RPF2: variants seen among roughly 807,000 people sequenced by gnomAD.
The protein encoded by RPF2 is ribosome production factor 2 homolog.
A neutral mutation model predicts 38.9 loss-of-function variants in RPF2; 21 were observed. That is an observed-to-expected ratio of 0.54 (90% CI 0.38 to 0.78). RPF2 has a LOEUF of 0.78. RPF2 is among the 30% of genes least tolerant of loss of function. The pLI is 0.00. For synonymous variants in RPF2, 121 were observed against 126.2 expected (o/e 0.96, Z 0.28); for missense variants, 314 against 358.1 (o/e 0.88, Z 0.99).
At chr6:111,000,568 T>C (rs898485983) in intron 6 of RPF2, among the ~76,000 whole-genome samples, 16 of 152,296 alleles carry the variant, frequency 1.1e-4, no homozygotes, top group African/African-American at 3.8e-4. Context: ...AATGATATTA[T>C]GAAATAGAAA....
At chr6:111,004,014 T>C (rs1422420825) in intron 6 of RPF2, among the ~76,000 whole-genome samples, 1 of 151,794 alleles carries the variant, frequency 6.6e-6, no homozygotes, top group Non-Finnish European at 1.5e-5. Context: ...AGTTTCATCA[T>C]GTTAGTCAGG....
At chr6:110,997,647 T>C (rs897238276) in intron 5 of RPF2, among the ~76,000 whole-genome samples, 2 of 151,888 alleles carry the variant, frequency 1.3e-5, no homozygotes, top group African/African-American at 2.4e-5. Flanking sequence ...GGCTGAGGCA[T>C]GGAGGTAGCA....
chr6:111,004,190 A>G (rs543525543), intron 6 of RPF2, among the ~76,000 whole-genome samples: 1 of 148,476 alleles, frequency 6.7e-6, no homozygotes, highest in African/African-American at 2.5e-5. Flanking sequence ...TTTTATTTTT[A>G]TTTTTATTTT....
In RPF2 at chr6:111,004,268, C is replaced by T. The variant is rs182479764; in HGVS notation, c.394-3770C>T. Reference sequence around the variant, plus strand: ...CGTGATCTCGGCTCACTGCAACCTCCGCCTCCTGGGTTCACGCGATTCTCC... The same window carrying T: ...CGTGATCTCGGCTCACTGCAACCTCTGCCTCCTGGGTTCACGCGATTCTCC... On this transcript the variant is annotated intron_variant, in intron 6 of 9. Coordinates refer to ENST00000441448, the MANE Select transcript of RPF2 (RefSeq NM_032194.3). Among the ~76,000 whole-genome samples the T allele has an allele frequency of 1.2e-3, 176 of 151,326 alleles. 3 individuals carry two copies. The East Asian group carries it at 0.032, about 28-fold the overall frequency.
intron 3 of RPF2, among the ~76,000 whole-genome samples, chr6:110,990,270 A>G (rs1220845891): frequency 6.8e-6 from 1 of 147,656 alleles, no homozygotes; most frequent in East Asian, 2.1e-4. Flanking sequence ...TTTTCTCTTC[A>G]GGATCCCATG....
chr6:110,995,007 C>T (rs1216216347), intron 4 of RPF2, among the ~76,000 whole-genome samples: 1 of 152,046 alleles, frequency 6.6e-6, no homozygotes, highest in Non-Finnish European at 1.5e-5. Context: ...CGGGTTCAAG[C>T]GATCCTCCCA....
intron 8 of RPF2, among the ~76,000 whole-genome samples, chr6:111,019,893 A>G (rs935238535): frequency 2.6e-5 from 4 of 151,738 alleles, no homozygotes; most frequent in African/African-American, 9.7e-5. Context: ...AAAACCAGAA[A>G]TCTGGAACAC....
intron 7 of RPF2, among the ~76,000 whole-genome samples, chr6:111,011,296 C>CTTTTTTTT (rs1562373415): frequency 7.0e-6 from 1 of 143,002 alleles, no homozygotes. Context: ...TTCTTTCTTT[C>CTTTTTTTT]TTTCTTTCTT....
intron 4 of RPF2, 48 bp from the exon 5 acceptor site, chr6:110,997,135 G>A: frequency 2.5e-6 from 3 of 1,210,218 alleles, no homozygotes; most frequent in Non-Finnish European, 3.6e-6. Flanking sequence ...GATTCTTAAA[G>A]TTCTTAAATT....
chr6:110,988,645 C>G (rs1227658929), intron 2 of RPF2, among the ~76,000 whole-genome samples: 14 of 152,170 alleles, frequency 9.2e-5, no homozygotes, highest in Non-Finnish European at 1.5e-5. Context: ...CCATGTTGCC[C>G]AGGCTGGTCT....
intron 5 of RPF2, among the ~76,000 whole-genome samples, chr6:110,999,372 G>T (rs968726984): frequency 6.6e-6 from 1 of 151,938 alleles, no homozygotes; most frequent in Non-Finnish European, 1.5e-5. Flanking sequence ...AATATCTATT[G>T]AATAAATAGA....
intron 6 of RPF2, among the ~76,000 whole-genome samples, chr6:111,002,828 G>A (rs996716080): frequency 1.3e-5 from 2 of 151,772 alleles, no homozygotes; most frequent in African/African-American, 2.4e-5. Context: ...GAGTACAGTG[G>A]CATGATCTCG....
At chr6:110,988,492 G>A (rs1488205151) in intron 2 of RPF2, among the ~76,000 whole-genome samples, 1 of 150,416 alleles carries the variant, frequency 6.6e-6, no homozygotes, top group East Asian at 1.9e-4. Context: ...CTGGAGTGCA[G>A]TGGTGCAATC....
At chr6:110,991,881 A>G (rs1199138898) in intron 4 of RPF2, 95 bp downstream of exon 4, 4 of 424,382 alleles carry the variant, frequency 9.4e-6, no homozygotes, top group African/African-American at 4.1e-5. Context: ...TTTTTTAAAC[A>G]TTAGAAGTCA....
At chr6:111,025,267 T>G in intron 9 of RPF2, 136 bp from the exon 10 acceptor site, 1 of 562,496 alleles carries the variant, frequency 1.8e-6, no homozygotes, top group Non-Finnish European at 3.1e-6. Flanking sequence ...AAGAAAAGTG[T>G]ATAGGGCTAT....
intron 6 of RPF2, among the ~76,000 whole-genome samples, chr6:111,000,381 A>G (rs942946626): frequency 1.3e-5 from 2 of 152,170 alleles, no homozygotes; most frequent in African/African-American, 4.8e-5. Context: ...GTAGGTCTAT[A>G]GTTTAAATAC....
rs61153470 is a variant in RPF2, at chr6:111,025,943, C to T, written c.*361C>T. On this transcript the variant is annotated 3_prime_UTR_variant, in exon 10 of 10. Coordinates refer to ENST00000441448, the MANE Select transcript of RPF2 (RefSeq NM_032194.3). The stretch of plus-strand genomic sequence containing the variant: ...GCCGGACCCGCAGGAGCTGTGTAAA[C>T]AATCTCAGTATGAATTACCTGGAAA... 1,871 of 157,488 alleles carry T rather than the reference C, an allele frequency of 0.012. 35 individuals are homozygous for T. Among genetic ancestry groups the T allele is most frequent in the African/African-American group, 0.042 (1,766 of 41,674 alleles). 9.8% of individuals were successfully genotyped at this position (157,488 alleles called of 1,614,324 possible). A position where few individuals can be genotyped will look rare whatever the true frequency, so the allele number is the denominator to read the frequency against.
chr6:111,024,570 G>T (rs1224284405), intron 9 of RPF2, among the ~76,000 whole-genome samples: 1 of 151,824 alleles, frequency 6.6e-6, no homozygotes, highest in Non-Finnish European at 1.5e-5. Flanking sequence ...AAAATTAGCT[G>T]GGCGTGGTAG....
At chr6:111,008,870 G>C (rs1461104421) in intron 7 of RPF2, among the ~76,000 whole-genome samples, 3 of 146,280 alleles carry the variant, frequency 2.1e-5, no homozygotes, top group African/African-American at 7.6e-5. Flanking sequence ...TTTCTTTTCC[G>C]GGAAGCCCTC....
Sources: allele counts gnomAD v4.1 joint callset (sites outside exome capture counted in the v4.1 genomes callset), GRCh38; gene constraint gnomAD v4.1.1; transcripts MANE v1.5; gene names NCBI Gene and HGNC (gene_info 2026-07-23, HGNC 2026-07-21).